The following NALF1 variants were observed in gnomAD, a reference collection of about 807,000 sequenced individuals.
NALF1 encodes the protein family with sequence similarity 155 member A.
A neutral mutation model predicts 48.4 loss-of-function variants in NALF1; 3 were observed. That is an observed-to-expected ratio of 0.06 (90% CI 0.03 to 0.16). The LOEUF (loss-of-function observed/expected upper bound fraction) is 0.16. NALF1 is among the 10% of genes least tolerant of loss of function. The pLI is 1.00. For missense variants in NALF1, 526 were observed against 571.5 expected, an observed-to-expected ratio of 0.92 and a Z score of 0.81; for synonymous variants, 262 against 245.7, an observed-to-expected ratio of 1.07 and a Z score of -0.62.
At chr13:107,677,076 T>C (rs539750980) in intron 1 of NALF1, among the ~76,000 whole-genome samples, 143 of 152,340 alleles carry the variant, frequency 9.4e-4, no homozygotes, top group Non-Finnish European at 1.2e-3. Context: ...AGACAGAGTC[T>C]CGCTCCTTCG....
chr13:107,386,455 C>T (rs1314784696), intron 1 of NALF1, among the ~76,000 whole-genome samples: 1 of 152,152 alleles, frequency 6.6e-6, no homozygotes, highest in Non-Finnish European at 1.5e-5. Context: ...CCCTCCATAG[C>T]TCTTCTCCTA....
At chr13:107,576,660 G>A (rs1222429615) in intron 1 of NALF1, among the ~76,000 whole-genome samples, 2 of 152,198 alleles carry the variant, frequency 1.3e-5, no homozygotes, top group Non-Finnish European at 2.9e-5. Context: ...AAGGCTTCAT[G>A]ATCTGGACTC....
intron 1 of NALF1, among the ~76,000 whole-genome samples, chr13:107,860,293 C>T (rs1230874134): frequency 2.0e-5 from 3 of 152,154 alleles, no homozygotes; most frequent in African/African-American, 7.2e-5. Context: ...GTCTTACTGC[C>T]ATTACCACTT....
chr13:107,467,317 T>C (rs910177308), intron 1 of NALF1, among the ~76,000 whole-genome samples: 2 of 82,374 alleles, frequency 2.4e-5, no homozygotes, highest in Non-Finnish European at 7.3e-5. Context: ...AAAATAGATA[T>C]ATACTTTCAT....
rs1203613850 is a variant in NALF1 at position 107,170,548 on chromosome 13, C to G, written c.1326G>C (p.Leu442=). Reference sequence around the variant, plus strand: ...CCAGCGTGTTGATGCCTCCAAAGCTCAGTCCGGCTGTGTTCTGTGCTGCCG... The same window carrying G: ...CCAGCGTGTTGATGCCTCCAAAGCTGAGTCCGGCTGTGTTCTGTGCTGCCG... ...TASAAQNTAG[L]SFGGINTLEE... The change falls in exon 3 of 3, where the codon CTG becomes CTC. Residue 442 remains leucine (L), a synonymous_variant. Transcript: ENST00000375915. 2 of 1,613,022 alleles carry G rather than the reference C, an allele frequency of 1.2e-6. No homozygotes were observed. Among genetic ancestry groups the G allele is most frequent in the African/African-American group, 2.7e-5 (2 of 74,910 alleles).
intron 1 of NALF1, among the ~76,000 whole-genome samples, chr13:107,641,796 G>A (rs1386560482): frequency 6.6e-6 from 1 of 152,150 alleles, no homozygotes; most frequent in Middle Eastern, 3.2e-3. Context: ...GAGCAAGCGA[G>A]ATCAAGAATC....
chr13:107,444,636 G>T (rs974039238), intron 1 of NALF1, among the ~76,000 whole-genome samples: 16 of 152,148 alleles, frequency 1.1e-4, no homozygotes, highest in Non-Finnish European at 2.1e-4. Context: ...GCTATGTCAT[G>T]ATTGCAGAGT....
intron 1 of NALF1, among the ~76,000 whole-genome samples, chr13:107,390,767 T>TA (rs1182173066): frequency 6.6e-6 from 1 of 151,982 alleles, no homozygotes; most frequent in African/African-American, 2.4e-5. Flanking sequence ...AGACTTCACA[T>TA]AAAAAGGGCA....
At chr13:107,623,710 C>T (rs1879593514) in intron 1 of NALF1, among the ~76,000 whole-genome samples, 1 of 152,070 alleles carries the variant, frequency 6.6e-6, no homozygotes, top group Non-Finnish European at 1.5e-5. Flanking sequence ...GCTCCCTCAA[C>T]ATCTCTCAAG....
chr13:107,755,922 T>G (rs537663802), intron 1 of NALF1, among the ~76,000 whole-genome samples: 1 of 152,182 alleles, frequency 6.6e-6, no homozygotes, highest in Non-Finnish European at 1.5e-5. Context: ...GTCCTTTAGA[T>G]TTCTACATGA....
chr13:107,425,434 AT>A, intron 1 of NALF1, among the ~76,000 whole-genome samples: 1 of 152,310 alleles, frequency 6.6e-6, no homozygotes, highest in East Asian at 1.9e-4. Context: ...TTCAGAAAAT[AT>A]TGACTCATTT....
rs1472343692 is a variant in NALF1, at chr13:107,783,432, C to T, written c.915+82250G>A. ...TTGTGGAATAGAAAGCGGGGAAAGGCAGGGAAAGGATTGAGAAATCGGATG... is the reference window on the plus strand; with the variant it reads ...TTGTGGAATAGAAAGCGGGGAAAGGTAGGGAAAGGATTGAGAAATCGGATG... On this transcript the variant is annotated intron_variant, in intron 1 of 2. Transcript: ENST00000375915. Among the ~76,000 whole-genome samples, 799 of 152,170 alleles carry T rather than the reference C, an allele frequency of 5.3e-3. 11 individuals carry two copies. The highest frequency in any genetic ancestry group is 0.018 in the African/African-American group (755 of 41,492).
intron 1 of NALF1, among the ~76,000 whole-genome samples, chr13:107,277,561 C>G (rs2138869570): frequency 6.6e-6 from 1 of 152,252 alleles, no homozygotes; most frequent in South Asian, 2.1e-4. Context: ...GTCAGTTTCT[C>G]ATTGGCATTG....
chr13:107,765,581 T>C (rs1170081282), intron 1 of NALF1, among the ~76,000 whole-genome samples: 1 of 152,208 alleles, frequency 6.6e-6, no homozygotes, highest in Non-Finnish European at 1.5e-5. Context: ...TGTATATGTA[T>C]ACATTTATCT....
intron 1 of NALF1, among the ~76,000 whole-genome samples, chr13:107,241,223 A>G (rs994421765): frequency 6.6e-6 from 1 of 151,950 alleles, no homozygotes; most frequent in Non-Finnish European, 1.5e-5. Context: ...AAGTGTGTAT[A>G]TATATATGCA....
chr13:107,806,073 T>C (rs4772918), intron 1 of NALF1, among the ~76,000 whole-genome samples: 18,563 of 152,178 alleles, frequency 0.12, 1,234 homozygotes, highest in Middle Eastern at 0.23. Flanking sequence ...CAGTTTCAGA[T>C]TGCAAGCATT....
chr13:107,186,460 C>T (rs1255636441), intron 2 of NALF1, among the ~76,000 whole-genome samples: 4 of 152,222 alleles, frequency 2.6e-5, no homozygotes, highest in Admixed American at 6.5e-5. Flanking sequence ...CTCTGCCTCC[C>T]GGGTTCAAGC....
At chr13:107,264,937 T>C (rs893139833) in intron 1 of NALF1, among the ~76,000 whole-genome samples, 2 of 152,236 alleles carry the variant, frequency 1.3e-5, no homozygotes. Context: ...TTTCAAACAC[T>C]GTTGCACTAA....
In NALF1 at chr13:107,166,555, T is replaced by C. The variant is rs564520153; in HGVS notation, c.*3942A>G. On this transcript the variant is annotated 3_prime_UTR_variant, in exon 3 of 3. Coordinates refer to ENST00000375915, the MANE Select transcript of NALF1 (RefSeq NM_001080396.3). ...GGAAAATTGTAAATGTCTTTGTTAC[T>C]GAGAAAGAATGTAAATCATGCTTCA... 6.6e-6 allele frequency: 1 copy of C among 152,344 alleles called. No homozygotes were observed. Among genetic ancestry groups the C allele is most frequent in the South Asian group, 2.1e-4 (1 of 4,824 alleles). 9.4% of individuals were successfully genotyped at this position (152,344 alleles called of 1,614,324 possible). A position where few individuals can be genotyped will look rare whatever the true frequency, so the allele number is the denominator to read the frequency against.
Sources: allele counts gnomAD v4.1 joint callset (sites outside exome capture counted in the v4.1 genomes callset), GRCh38; gene constraint gnomAD v4.1.1; transcripts MANE v1.5; gene names NCBI Gene and HGNC (gene_info 2026-07-23, HGNC 2026-07-21).